The following LRRC49 variants were observed in gnomAD, a reference collection of about 807,000 sequenced individuals.
The protein encoded by LRRC49 is leucine-rich repeat-containing protein 49.
In LRRC49, 50 loss-of-function variants were observed where a neutral mutation model predicts 83.3. The ratio of observed to expected loss-of-function variants is 0.60; its 90% CI spans 0.48 to 0.76. The LOEUF (loss-of-function observed/expected upper bound fraction) is 0.76, where lower values mean the gene tolerates loss of function less well. Ranked by LOEUF, LRRC49 falls within the 30% of genes least tolerant of loss-of-function variation. The probability of loss-of-function intolerance (pLI) is 0.00; values close to 1 mark genes in which losing one functional copy is unlikely to be tolerated. For missense variants in LRRC49, 704 were observed against 809.1 expected, an observed-to-expected ratio of 0.87 and a Z score of 1.58; for synonymous variants, 286 against 283.3, an observed-to-expected ratio of 1.01 and a Z score of -0.10.
At chr15:71,008,759 G>A in intron 12 of LRRC49, 143 bp downstream of exon 12, 1 of 595,098 alleles carries the variant, frequency 1.7e-6, no homozygotes, top group Non-Finnish European at 2.9e-6. Flanking sequence ...TCTTGAGCTA[G>A]GATTTAAATT....
intron 3 of LRRC49, among the ~76,000 whole-genome samples, chr15:70,898,829 T>G (rs530803110): frequency 6.6e-6 from 1 of 152,188 alleles, no homozygotes; most frequent in African/African-American, 2.4e-5. Flanking sequence ...CAAACTGTTA[T>G]GATGAAAATT....
intron 11 of LRRC49, among the ~76,000 whole-genome samples, chr15:70,987,964 C>T (rs1024807215): frequency 9.2e-5 from 14 of 152,118 alleles, no homozygotes; most frequent in African/African-American, 3.4e-4. Context: ...GTTTCTTCAT[C>T]CTGAGTTCTA....
intron 2 of LRRC49, chr15:70,894,632 T>G: frequency 7.8e-7 from 1 of 1,287,560 alleles, no homozygotes; most frequent in Non-Finnish European, 1.0e-6. Context: ...TTTTTCCTCC[T>G]TTGACCAAGT....
At chr15:71,035,240 G>A (rs761439378) in intron 14 of LRRC49, among the ~76,000 whole-genome samples, 2 of 151,932 alleles carry the variant, frequency 1.3e-5, no homozygotes, top group Non-Finnish European at 2.9e-5. Context: ...AGTGAAAACA[G>A]TATACAAAGT....
In LRRC49 at chr15:70,870,956, T is replaced by TTGTTTTTG. The variant is rs1567030876; in HGVS notation, c.-298-1951_-298-1950insGTTTTTGT. 1.8e-4 allele frequency among the ~76,000 whole-genome samples: 27 copies of TTGTTTTTG among 150,204 alleles called. 1 individual carries two copies. Among genetic ancestry groups the TTGTTTTTG allele is most frequent in the African/African-American group, 2.7e-4 (11 of 40,810 alleles). On this transcript the variant is annotated intron_variant, in intron 1 of 16. Transcript: ENST00000544974. ...TTCTGCCATGCTTAGTTTTTTTTTT[T>TTGTTTTTG]TTTTTTTTTAGTATTTATTGATCAT...
At chr15:70,880,587 A>G (rs2033243723) in intron 2 of LRRC49, among the ~76,000 whole-genome samples, 1 of 152,264 alleles carries the variant, frequency 6.6e-6, no homozygotes, top group Non-Finnish European at 1.5e-5. Flanking sequence ...AGTTCCTTAT[A>G]CGTCATTTAA....
chr15:71,028,969 A>T (rs886684664), intron 14 of LRRC49, among the ~76,000 whole-genome samples: 1 of 151,552 alleles, frequency 6.6e-6, no homozygotes, highest in African/African-American at 2.4e-5. Flanking sequence ...GATATTTGTT[A>T]TTTCTTGTCT....
intron 1 of LRRC49, chr15:70,854,252 C>T: frequency 3.7e-6 from 1 of 273,100 alleles, no homozygotes; most frequent in Non-Finnish European, 5.6e-6. Flanking sequence ...GCCGCCGCCG[C>T]CGCCGCCGCC....
At chr15:70,899,850 C>T (rs1175484432) in intron 3 of LRRC49, among the ~76,000 whole-genome samples, 1 of 152,060 alleles carries the variant, frequency 6.6e-6, no homozygotes, top group East Asian at 1.9e-4. Context: ...CTTAGTGCTC[C>T]CTTCAGGCAT....
chr15:70,926,127 C>T (rs940623494), intron 7 of LRRC49, among the ~76,000 whole-genome samples: 1 of 152,178 alleles, frequency 6.6e-6, no homozygotes, highest in Non-Finnish European at 1.5e-5. Flanking sequence ...GAGCTGTATT[C>T]CATTGTTGAA....
intron 15 of LRRC49, among the ~76,000 whole-genome samples, chr15:71,038,193 A>G (rs2039584437): frequency 6.6e-6 from 1 of 152,230 alleles, no homozygotes; most frequent in Non-Finnish European, 1.5e-5. Context: ...TACGATTGAT[A>G]TATAATAGAT....
At chr15:70,932,726 C>CTTTTTT (rs5813614) in intron 7 of LRRC49, among the ~76,000 whole-genome samples, 60 of 97,170 alleles carry the variant, frequency 6.2e-4, no homozygotes, top group East Asian at 8.6e-4. Context: ...CTTTCTCTGT[C>CTTTTTT]TTTTTTTTTT....
Position 70,919,171 on chromosome 15 carries a change from G to A in LRRC49, c.689G>A (p.Arg230Gln), listed in dbSNP as rs767163230. The A allele has an allele frequency of 5.6e-6, 9 of 1,611,752 alleles. No individual in the cohort carries two copies. The highest frequency in any genetic ancestry group is 6.8e-6 in the Non-Finnish European group (8 of 1,179,160). ...GLDSLTELNL[R>Q]HNQITFVRDV... ...GATTCACTAACTGAACTTAACTTGC[G>A]ACACAATCAAATCACTTTCGTGGTG... The change falls in exon 7 of 16, where the codon CGA becomes CAA. Residue 230 changes from arginine (R) to glutamine (Q), a missense_variant. Transcript: ENST00000260382.
intron 6 of LRRC49, among the ~76,000 whole-genome samples, chr15:70,913,943 T>C (rs897629402): frequency 5.3e-5 from 8 of 152,058 alleles, no homozygotes; most frequent in African/African-American, 1.9e-4. Flanking sequence ...AAATGTCTGT[T>C]CCTTGTTAGC....
chr15:70,981,131 A>G (rs995200655), intron 10 of LRRC49, among the ~76,000 whole-genome samples: 1 of 152,172 alleles, frequency 6.6e-6, no homozygotes, highest in Non-Finnish European at 1.5e-5. Flanking sequence ...CCTAGCTCAG[A>G]TTTGGAATCA....
rs1206818881 is a variant in LRRC49, at chr15:70,898,325, G to C, written c.193+2389G>C. On this transcript the variant is annotated intron_variant, in intron 3 of 15. Transcript: ENST00000260382. ...TTTTCAATTAAATCTTAGTAAACTG[G>C]AAAAACAATTAATTTGTCTATTGAT... The C allele has an allele frequency of 4.5e-6, 3 of 667,850 alleles. No homozygotes were observed. The Admixed American group carries it at 7.3e-5, about 16-fold the overall frequency. 41.4% of individuals were successfully genotyped at this position (667,850 alleles called of 1,614,324 possible). A position where few individuals can be genotyped will look rare whatever the true frequency, so the allele number is the denominator to read the frequency against.
chr15:70,984,105 G>A lies in LRRC49; in HGVS notation c.1017G>A (p.Arg339=), dbSNP rs1441618412. 1 of 1,612,332 alleles carries A rather than the reference G, an allele frequency of 6.2e-7. No homozygotes were observed. Among genetic ancestry groups the A allele is most frequent in the Non-Finnish European group, 8.5e-7 (1 of 1,179,270 alleles). ...HKQSLLKEKK[R]LTINNVARQW... ...TAACTTTTTCATAGGAGAAGAAAAG[G>A]TTAACAATTAACAACGTAGCTCGAC... The change falls in exon 11 of 16, where the codon AGG becomes AGA. Residue 339 remains arginine (R), a synonymous_variant. Transcript: ENST00000260382.
At chr15:70,968,165 A>T (rs978316671) in intron 9 of LRRC49, among the ~76,000 whole-genome samples, 2 of 151,900 alleles carry the variant, frequency 1.3e-5, no homozygotes, top group Non-Finnish European at 2.9e-5. Context: ...AGGCCCTGGT[A>T]TGTGATGTTC....
chr15:71,013,484 A>G (rs1330226768), intron 14 of LRRC49, among the ~76,000 whole-genome samples: 5 of 152,228 alleles, frequency 3.3e-5, no homozygotes, highest in Admixed American at 6.5e-5. Context: ...TTTACATTGT[A>G]GAAAGGCTGC....
Sources: gnomAD v4.1 joint callset for allele counts (sites outside exome capture counted in the v4.1 genomes callset) on GRCh38, gnomAD v4.1.1 for gene constraint, MANE v1.5 for transcripts, NCBI Gene and HGNC (gene_info 2026-07-23, HGNC 2026-07-21) for gene names.